The following RERE variants were observed in gnomAD, a reference collection of about 807,000 sequenced individuals.
RERE encodes the protein arginine-glutamic acid dipeptide repeats.
Under a neutral mutation model 146.1 loss-of-function variants are expected in RERE, and 40 were observed. That is an observed-to-expected ratio of 0.27 (90% CI 0.21 to 0.36). The LOEUF (loss-of-function observed/expected upper bound fraction) is 0.36. RERE is among the 10% of genes least tolerant of loss of function. RERE has a pLI of 1.00. For missense variants in RERE, 1,933 were observed against 2,138.7 expected (o/e 0.90, Z 1.90); for synonymous variants, 1,003 against 866.0 (o/e 1.16, Z -2.78).
intron 3 of RERE, among the ~76,000 whole-genome samples, chr1:8,622,419 C>T (rs1397451842): frequency 7.0e-6 from 1 of 143,312 alleles, no homozygotes; most frequent in Non-Finnish European, 1.5e-5. Flanking sequence ...GCAGCAGCCA[C>T]TACCAAAACA....
chr1:8,503,374 G>A (rs1206012241), intron 8 of RERE, among the ~76,000 whole-genome samples: 1 of 152,100 alleles, frequency 6.6e-6, no homozygotes, highest in African/African-American at 2.4e-5. Flanking sequence ...TCCCGCTTCT[G>A]GGGATATAGC....
chr1:8,809,504 C>A (rs1279937835), intron 1 of RERE, among the ~76,000 whole-genome samples: 3 of 152,128 alleles, frequency 2.0e-5, no homozygotes, highest in African/African-American at 7.2e-5. Context: ...TTCCAGGGAA[C>A]AGACAGTTGT....
chr1:8,704,930 C>T (rs1639527210), intron 1 of RERE, among the ~76,000 whole-genome samples: 1 of 152,184 alleles, frequency 6.6e-6, no homozygotes, highest in Admixed American at 6.5e-5. Flanking sequence ...TGAAACCATC[C>T]TGAGGGGGAC....
chr1:8,529,331 AC>A (rs1177578668), intron 7 of RERE, among the ~76,000 whole-genome samples: 1 of 127,258 alleles, frequency 7.9e-6, no homozygotes, highest in African/African-American at 3.1e-5. Context: ...GCTCTGTTGC[AC>A]AGGCTGGAGT....
intron 12 of RERE, among the ~76,000 whole-genome samples, chr1:8,386,127 A>C (rs1642674365): frequency 7.0e-6 from 1 of 142,532 alleles, no homozygotes; most frequent in South Asian, 2.3e-4. Context: ...AAAAATTTTT[A>C]TAAATTTCAT....
At chr1:8,733,371 A>G (rs1640130307) in intron 1 of RERE, among the ~76,000 whole-genome samples, 1 of 152,228 alleles carries the variant, frequency 6.6e-6, no homozygotes, top group South Asian at 2.1e-4. Context: ...CATTTTCATG[A>G]GAACTGTGGT....
rs17032657 is a variant in RERE at position 8,536,683 on chromosome 1, T to G, written c.830+4531A>C. 0.019 allele frequency among the ~76,000 whole-genome samples: 2,927 copies of G among 152,262 alleles called. 311 individuals are homozygous for G. In the East Asian group the frequency reaches 0.32, roughly 17 times the overall value. On this transcript the variant is annotated intron_variant, in intron 7 of 22. Coordinates refer to ENST00000400908, the MANE Select transcript of RERE (RefSeq NM_001042681.2). ...ACACAATGACATTACTTGCAGAGTATGCTCACCACAGAAGTAAATCTGGAT... is the reference window on the plus strand; with the variant it reads ...ACACAATGACATTACTTGCAGAGTAGGCTCACCACAGAAGTAAATCTGGAT...
At chr1:8,709,953 T>C (rs1022291693) in intron 1 of RERE, among the ~76,000 whole-genome samples, 1 of 152,252 alleles carries the variant, frequency 6.6e-6, no homozygotes, top group African/African-American at 2.4e-5. Context: ...GTTGGTTTGG[T>C]TTTGGATTAG....
intron 4 of RERE, among the ~76,000 whole-genome samples, chr1:8,599,101 G>A (rs1437496858): frequency 1.3e-5 from 2 of 152,204 alleles, no homozygotes; most frequent in Non-Finnish European, 2.9e-5. Context: ...CACCCTCAGA[G>A]GCTCGCCTTC....
chr1:8,663,577 A>G (rs745575420), intron 1 of RERE, among the ~76,000 whole-genome samples: 6 of 152,086 alleles, frequency 3.9e-5, no homozygotes, highest in Admixed American at 1.3e-4. Context: ...TGTTTGCCTT[A>G]GCCTTCCTCC....
chr1:8,524,441 T>C (rs997365997), intron 7 of RERE, among the ~76,000 whole-genome samples: 4 of 152,156 alleles, frequency 2.6e-5, no homozygotes, highest in Non-Finnish European at 4.4e-5. Context: ...GAGTTGACCA[T>C]GCAACACTCC....
At chr1:8,602,999 G>A (rs6688329) in intron 4 of RERE, among the ~76,000 whole-genome samples, 128,676 of 152,284 alleles carry the variant, frequency 0.84, 54,647 homozygotes, top group East Asian at 0.95. Context: ...GGACAGACAC[G>A]TACAGAGGCA....
chr1:8,589,335 G>C (rs1300864770), intron 4 of RERE, among the ~76,000 whole-genome samples: 1 of 152,154 alleles, frequency 6.6e-6, no homozygotes, highest in Non-Finnish European at 1.5e-5. Context: ...AGCTACTTGG[G>C]AGGCTGAGGC....
At chr1:8,376,367 G>T (rs1642255134) in intron 12 of RERE, among the ~76,000 whole-genome samples, 1 of 152,152 alleles carries the variant, frequency 6.6e-6, no homozygotes. Context: ...AGCACCCATG[G>T]ACTACAGAAC....
chr1:8,712,755 G>A (rs1639693194), intron 1 of RERE, among the ~76,000 whole-genome samples: 1 of 151,234 alleles, frequency 6.6e-6, no homozygotes. Context: ...ATACTCAAGG[G>A]CTTTAGAAAA....
At chr1:8,421,923 C>T (rs1163956988) in intron 12 of RERE, among the ~76,000 whole-genome samples, 1 of 152,166 alleles carries the variant, frequency 6.6e-6, no homozygotes, top group Non-Finnish European at 1.5e-5. Flanking sequence ...CCAACTCCAT[C>T]CCATCTGCCC....
At chr1:8,705,670 C>T (rs890504307) in intron 1 of RERE, among the ~76,000 whole-genome samples, 1 of 152,110 alleles carries the variant, frequency 6.6e-6, no homozygotes, top group African/African-American at 2.4e-5. Context: ...TATATGTTTG[C>T]TCATCATGTA....
At chr1:8,734,169 CCTTTA>C (rs767284985) in intron 1 of RERE, among the ~76,000 whole-genome samples, 6 of 152,102 alleles carry the variant, frequency 3.9e-5, no homozygotes, top group African/African-American at 1.4e-4. Context: ...ACCCTTCTTG[CCTTTA>C]CTTTGATACA....
intron 7 of RERE, among the ~76,000 whole-genome samples, chr1:8,516,775 T>C (rs1247029903): frequency 6.6e-6 from 1 of 152,236 alleles, no homozygotes; most frequent in East Asian, 1.9e-4. Flanking sequence ...TCTATGTTTA[T>C]TTCAAACACC....
Sources: allele counts gnomAD v4.1 joint callset (sites outside exome capture counted in the v4.1 genomes callset), GRCh38; gene constraint gnomAD v4.1.1; transcripts MANE v1.5; gene names NCBI Gene and HGNC (gene_info 2026-07-23, HGNC 2026-07-21).